DERPC: variants seen among roughly 807,000 people sequenced by gnomAD.
DERPC encodes decreased expression in renal and prostate cancer protein.
Under a neutral mutation model 7.2 loss-of-function variants are expected in DERPC, and 1 was observed. The observed-to-expected ratio is 0.14, with a 90% CI of 0.05 to 0.66. The LOEUF (loss-of-function observed/expected upper bound fraction) is 0.66. DERPC is among the 30% of genes least tolerant of loss of function. DERPC has a pLI of 0.84. For missense variants in DERPC, 502 were observed against 299.4 expected, an observed-to-expected ratio of 1.68 and a Z score of -4.99; for synonymous variants, 185 against 117.6, an observed-to-expected ratio of 1.57 and a Z score of -3.71.
intron 1 of DERPC, among the ~76,000 whole-genome samples, chr16:69,131,691 C>T (rs1197592372): frequency 6.6e-6 from 1 of 150,914 alleles, no homozygotes; most frequent in Non-Finnish European, 1.5e-5. Context: ...CCGCCTTCCT[C>T]CACACCACCC....
In DERPC at chr16:69,126,972, C is replaced by T. The variant is rs140839083; in HGVS notation, c.-279-5479G>A. Among the ~76,000 whole-genome samples, 664 of 152,140 alleles carry T rather than the reference C, an allele frequency of 4.4e-3. 24 individuals carry two copies. In the South Asian group the frequency reaches 0.083, roughly 19 times the overall value. ...TGATTAAAAAGTGTATGAGGCCGGG[C>T]GCGGTGGCTCATGCCTGTAATCTCA... On this transcript the variant is annotated intron_variant, in intron 1 of 2. Coordinates refer to ENST00000519520, the MANE Select transcript of DERPC (RefSeq NM_001002847.4).
Position 69,118,694 on chromosome 16 carries a change from C to A in DERPC, c.*160G>T, listed in dbSNP as rs1355018404. Reference sequence around the variant, plus strand: ...CATGCCACAAATAACATCTCACCTTCAGTCAAGAAAAACGCAAAGGAAAAA... The same window carrying A: ...CATGCCACAAATAACATCTCACCTTAAGTCAAGAAAAACGCAAAGGAAAAA... On this transcript the variant is annotated 3_prime_UTR_variant, in exon 3 of 3. Coordinates refer to ENST00000519520, the MANE Select transcript of DERPC (RefSeq NM_001002847.4). 7.6e-6 allele frequency: 5 copies of A among 660,366 alleles called. No homozygotes were observed. The highest frequency in any genetic ancestry group is 1.4e-5 in the Non-Finnish European group (5 of 366,166). The allele number at this position is 660,366 out of a possible 1,614,324, so 40.9% of individuals were successfully genotyped here.
intron 1 of DERPC, among the ~76,000 whole-genome samples, chr16:69,126,683 A>G (rs1426631957): frequency 2.6e-5 from 4 of 152,260 alleles, no homozygotes; most frequent in Non-Finnish European, 5.9e-5. Context: ...CTCTGGCTAC[A>G]GTTAGGTAAT....
chr16:69,124,381 T>C (rs1429509108), intron 1 of DERPC, among the ~76,000 whole-genome samples: 3 of 152,170 alleles, frequency 2.0e-5, no homozygotes, highest in Non-Finnish European at 4.4e-5. Flanking sequence ...GTATTATAAT[T>C]GTGCTCAAGC....
chr16:69,127,601 C>CTTTTTTTTTTTT (rs71383961), intron 1 of DERPC, among the ~76,000 whole-genome samples: 3 of 104,392 alleles, frequency 2.9e-5, no homozygotes, highest in African/African-American at 3.8e-5. Flanking sequence ...CTCCCGGCAA[C>CTTTTTTTTTTTT]TTTTTTTTTT....
At chr16:69,128,415 A>G (rs1265985171) in intron 1 of DERPC, among the ~76,000 whole-genome samples, 1 of 152,180 alleles carries the variant, frequency 6.6e-6, no homozygotes, top group Non-Finnish European at 1.5e-5. Flanking sequence ...GTAGCCTTGG[A>G]AAGATAAGAA....
intron 1 of DERPC, among the ~76,000 whole-genome samples, chr16:69,130,430 G>A (rs1962415712): frequency 1.3e-5 from 2 of 151,446 alleles, no homozygotes; most frequent in East Asian, 3.9e-4. Flanking sequence ...TCTATTTTTT[G>A]CTAGGCCAAC....
rs142739727 is a variant in DERPC, at chr16:69,127,106, C to T, written c.-280+5378G>A. Among the ~76,000 whole-genome samples, 88 of 152,126 alleles carry T rather than the reference C, an allele frequency of 5.8e-4. No homozygotes were observed. In the East Asian group the frequency reaches 0.016, roughly 28 times the overall value. ...TACAAAAATTAGCCGCGCGTGGTGG[C>T]GGGTGCCTGTAATCCCAGCTACTCG... On this transcript the variant is annotated intron_variant, in intron 1 of 2. Transcript: ENST00000519520.
chr16:69,120,629 C>T lies in DERPC; in HGVS notation c.-201G>A. 1 of 1,612,062 alleles carries T rather than the reference C, an allele frequency of 6.2e-7. No individual in the cohort carries two copies. The highest frequency in any genetic ancestry group is 8.5e-7 in the Non-Finnish European group (1 of 1,178,348). On this transcript the variant is annotated 5_prime_UTR_variant, in exon 3 of 3. Transcript: ENST00000519520. This position sits in a 1 kb window ranked among gnomAD's most constrained non-coding sequence, Gnocchi z 4.0. ...TTTTCCCATACAGGATATGATGCCC[C>T]ACGATCAGCACAGGGATTCCCTTTG...
intron 1 of DERPC, among the ~76,000 whole-genome samples, chr16:69,124,648 T>C (rs1371022964): frequency 6.6e-6 from 1 of 151,984 alleles, no homozygotes; most frequent in East Asian, 1.9e-4. Context: ...GTACTGTGTT[T>C]ACAGGAGTGA....
At position 69,118,259 on chromosome 16, in the gene DERPC, G is replaced by T. The variant is rs576908984; in HGVS notation, c.*595C>A. On this transcript the variant is annotated 3_prime_UTR_variant, in exon 3 of 3. Transcript: ENST00000519520. ...TAAATCTGGCCACCTCTAAGTCCCAGGAGAAGGGAGCTGCAGGCCCAGTCA... is the reference window on the plus strand; with the variant it reads ...TAAATCTGGCCACCTCTAAGTCCCATGAGAAGGGAGCTGCAGGCCCAGTCA... 1.0e-5 allele frequency: 8 copies of T among 791,868 alleles called. No individual in the cohort carries two copies. The highest frequency in any genetic ancestry group is 1.8e-5 in the Non-Finnish European group (8 of 449,686). 49.1% of individuals were successfully genotyped at this position (791,868 alleles called of 1,614,324 possible).
In DERPC at chr16:69,120,921, C is replaced by T. The variant is rs1260419939; in HGVS notation, c.-221-272G>A. On this transcript the variant is annotated intron_variant, in intron 2 of 2. Transcript: ENST00000519520. This position sits in a 1 kb window ranked among gnomAD's most constrained non-coding sequence, Gnocchi z 4.0. ...ACTGCAGAGGTAGGGGGAGAACAAG[C>T]AGAGAGCATCGCAGATTAGCTAGGC... The T allele has an allele frequency of 1.2e-6, 1 of 839,096 alleles. No individual in the cohort carries two copies. The highest frequency in any genetic ancestry group is 1.7e-5 in the Admixed American group (1 of 57,544). 52.0% of individuals were successfully genotyped at this position (839,096 alleles called of 1,614,324 possible).
Position 69,120,670 on chromosome 16 carries a change from G to C in DERPC, c.-221-21C>G. 1 of 1,595,216 alleles carries C rather than the reference G, an allele frequency of 6.3e-7. No homozygotes were observed. Among genetic ancestry groups the C allele is most frequent in the Non-Finnish European group, 8.6e-7 (1 of 1,165,374 alleles). On this transcript the variant is annotated intron_variant, in intron 2 of 2. Coordinates refer to ENST00000519520, the MANE Select transcript of DERPC (RefSeq NM_001002847.4). This position sits in a 1 kb window ranked among gnomAD's most constrained non-coding sequence, Gnocchi z 4.0. The stretch of plus-strand genomic sequence containing the variant: ...ATTCCCTTTGGCAGAACAAGAACGA[G>C]ATTCCTGAGGTTCCGGGGCAAGGCC...
chr16:69,118,427 T>C lies in DERPC; in HGVS notation c.*427A>G. 1 of 1,612,848 alleles carries C rather than the reference T, an allele frequency of 6.2e-7. No homozygotes were observed. Among genetic ancestry groups the C allele is most frequent in the Non-Finnish European group, 8.5e-7 (1 of 1,178,828 alleles). On this transcript the variant is annotated 3_prime_UTR_variant, in exon 3 of 3. Transcript: ENST00000519520. ...CCAGGTCAGAGCTACGGAAGCATGG[T>C]CCGTTCACCAACGCCACGTTTCTAG... is the stretch of plus-strand genomic sequence containing the variant.
Position 69,119,987 on chromosome 16 carries a change from C to T in DERPC, c.442G>A (p.Gly148Arg), listed in dbSNP as rs746660300. The T allele has an allele frequency of 1.4e-6, 1 of 696,970 alleles. No homozygotes were observed. Among genetic ancestry groups the T allele is most frequent in the Non-Finnish European group, 2.6e-6 (1 of 380,590 alleles). The allele number at this position is 696,970 out of a possible 1,614,324, so 43.2% of individuals were successfully genotyped here. Residue 148 changes from glycine to arginine, a missense_variant, in exon 3 of 3, where the codon GGG (glycine) becomes AGG (arginine). Physicochemically the swap from Gly to Arg is moderately radical, Grantham distance 125. Transcript: ENST00000519520. ...ATAGGACCTGGTCCTGGGAGACCCC[C>T]TAACCTGGGGTTAGACAGAGGCCCT... ...GPGPLSNPRL[G>R]GLPGPGPMSN...
chr16:69,129,100 C>T (rs1229246602), intron 1 of DERPC, among the ~76,000 whole-genome samples: 1 of 150,632 alleles, frequency 6.6e-6, no homozygotes, highest in African/African-American at 2.5e-5. Flanking sequence ...AAAAAAAAAA[C>T]TGGCAAATCA....
chr16:69,129,614 C>T (rs1567595000), intron 1 of DERPC, among the ~76,000 whole-genome samples: 2 of 152,122 alleles, frequency 1.3e-5, no homozygotes, highest in Non-Finnish European at 2.9e-5. Context: ...AGGAAACAGG[C>T]TTAGAGGAGC....
intron 1 of DERPC, among the ~76,000 whole-genome samples, chr16:69,131,033 G>A (rs533886205): frequency 1.3e-5 from 2 of 152,254 alleles, no homozygotes; most frequent in Non-Finnish European, 2.9e-5. Flanking sequence ...TAGTGTTATC[G>A]TGGTTTTGTA....
intron 1 of DERPC, among the ~76,000 whole-genome samples, chr16:69,123,839 G>A (rs1280660323): frequency 6.8e-6 from 1 of 146,962 alleles, no homozygotes; most frequent in Non-Finnish European, 1.5e-5. Flanking sequence ...TGCAATTCCA[G>A]AACTTTGGGA....
Sources: gnomAD v4.1 joint callset for allele counts (sites outside exome capture counted in the v4.1 genomes callset) on GRCh38, gnomAD v4.1.1 for gene constraint, Gnocchi (gnomAD v3.1) non-coding constraint, MANE v1.5 for transcripts, NCBI Gene and HGNC (gene_info 2026-07-23, HGNC 2026-07-21) for gene names.